The following PPFIBP2 variants were observed in gnomAD, a reference collection of about 807,000 sequenced individuals.
PPFIBP2 encodes PPFIB scaffold protein 2.
Under a neutral mutation model 118.3 loss-of-function variants are expected in PPFIBP2, and 118 were observed. The observed-to-expected ratio is 1.00, with a 90% CI of 0.86 to 1.16. The LOEUF (loss-of-function observed/expected upper bound fraction) is 1.16, where lower values mean the gene tolerates loss of function less well. Among genes scored for constraint, PPFIBP2 ranks in the 50% most tolerant of loss-of-function variants. The pLI is 0.00. For missense variants in PPFIBP2, 1,195 were observed against 1,073.1 expected (o/e 1.11, Z -1.59); for synonymous variants, 414 against 397.4 (o/e 1.04, Z -0.50).
At chr11:7,556,529 G>A (rs1184778049) in intron 2 of PPFIBP2, among the ~76,000 whole-genome samples, 6 of 152,304 alleles carry the variant, frequency 3.9e-5, no homozygotes, top group Non-Finnish European at 8.8e-5. Context: ...TTTTCGTTCA[G>A]TATTCTAGTA....
chr11:7,660,360 G>A (rs868857058), downstream of PPFIBP2, among the ~76,000 whole-genome samples: 6 of 112,044 alleles, frequency 5.4e-5, no homozygotes, highest in African/African-American at 1.1e-4. Flanking sequence ...TAGCATGAAG[G>A]GTTGTTGAAT....
At chr11:7,539,466 G>A (rs957253621) in intron 1 of PPFIBP2, 1 of 152,552 alleles carries the variant, frequency 6.6e-6, no homozygotes, top group African/African-American at 2.4e-5. Flanking sequence ...TGGAGGACAG[G>A]TACAGCTTGT....
Position 7,544,556 on chromosome 11 carries a change from C to T in PPFIBP2, c.-36-4884C>T, listed in dbSNP as rs142687543. Among the ~76,000 whole-genome samples, 714 of 152,000 alleles carry T rather than the reference C, an allele frequency of 4.7e-3. 11 individuals are homozygous for T. Among genetic ancestry groups the T allele is most frequent in the African/African-American group, 0.016 (678 of 41,430 alleles). ...TTGGGAGGCCAAGGTGGGTGGATCA[C>T]GAGGTCAGGAGATCGAGACCATCCT... is the stretch of plus-strand genomic sequence containing the variant. On this transcript the variant is annotated intron_variant, in intron 1 of 23. Transcript: ENST00000299492.
chr11:7,625,826 T>C lies in PPFIBP2; in HGVS notation c.761T>C (p.Ile254Thr), dbSNP rs1178184630. Residue 254 changes from isoleucine to threonine, a missense_variant, in exon 8 of 24, where the codon ATT becomes ACT. Physicochemically the swap from Ile to Thr is moderately conservative, Grantham distance 89 (BLOSUM62 -1). Transcript: ENST00000299492. ...CAGGTGGCCCTGAAAGATGCAGAAA[T>C]TGAGCGTCTGCACAGCCAGCTCTCC... ...QEQVALKDAE[I>T]ERLHSQLSRT... is the part of the protein sequence containing the mutation. The C allele has an allele frequency of 6.2e-7, 1 of 1,614,224 alleles. No individual in the cohort carries two copies. Among genetic ancestry groups the C allele is most frequent in the Admixed American group, 1.7e-5 (1 of 60,030 alleles).
At chr11:7,548,179 C>T (rs780620732) in intron 1 of PPFIBP2, among the ~76,000 whole-genome samples, 1 of 152,186 alleles carries the variant, frequency 6.6e-6, no homozygotes, top group African/African-American at 2.4e-5. Context: ...AGAGCTGGGT[C>T]TGAACTCAAG....
At chr11:7,632,193 A>C (rs1180880638) in intron 11 of PPFIBP2, among the ~76,000 whole-genome samples, 1 of 152,082 alleles carries the variant, frequency 6.6e-6, no homozygotes, top group African/African-American at 2.4e-5. Context: ...ACCAGTTCTC[A>C]TTTCTCAAAA....
chr11:7,536,852 A>G (rs78287406), intron 1 of PPFIBP2, among the ~76,000 whole-genome samples: 4 of 152,152 alleles, frequency 2.6e-5, no homozygotes, highest in Admixed American at 1.3e-4. Flanking sequence ...CTACACTCTG[A>G]TGAACAGAGC....
In PPFIBP2 at chr11:7,522,945, G is replaced by A. The variant is rs144794795; in HGVS notation, c.-37+8824G>A. Reference sequence around the variant, plus strand: ...AAGGCCCAAACACCTCCTCTACCCAGACTTCAGGGCACATCCAGCCAGTTC... The same window carrying A: ...AAGGCCCAAACACCTCCTCTACCCAAACTTCAGGGCACATCCAGCCAGTTC... On this transcript the variant is annotated intron_variant, in intron 1 of 23. Transcript: ENST00000299492. Among the ~76,000 whole-genome samples, 360 of 152,232 alleles carry A rather than the reference G, an allele frequency of 2.4e-3. 2 individuals are homozygous for A. The highest frequency in any genetic ancestry group is 0.017 in the Middle Eastern group (5 of 294).
At chr11:7,641,179 T>A (rs1433158432) in intron 15 of PPFIBP2, 12 of 953,074 alleles carry the variant, frequency 1.3e-5, no homozygotes, top group Admixed American at 2.5e-5. Flanking sequence ...CGTTCCTGCA[T>A]CTCCCTCTGA....
rs770001182 is a variant in PPFIBP2, at chr11:7,642,356, C to T, written c.1576C>T (p.Arg526Ter). The T allele has an allele frequency of 9.9e-6, 16 of 1,614,126 alleles. No homozygotes were observed. The highest frequency in any genetic ancestry group is 1.3e-5 in the African/African-American group (1 of 75,050). The change falls in exon 17 of 24, where the codon CGA becomes TGA. Residue 526 changes from arginine to a stop codon, truncating the protein, a stop_gained. Coordinates refer to ENST00000299492, the MANE Select transcript of PPFIBP2 (RefSeq NM_003621.5). LOFTEE classifies it high-confidence loss of function. Reference protein sequence around the residue: ...YTDTLGMAEFRRGGLRATAGP... With the variant: ...YTDTLGMAEF The stretch of plus-strand genomic sequence containing the variant: ...TGACACGCTGGGGATGGCAGAGTTT[C>T]GACGAGGTGGGCTCCGGGCAACCGC...
intron 6 of PPFIBP2, among the ~76,000 whole-genome samples, chr11:7,618,417 A>G (rs1403252985): frequency 6.6e-6 from 1 of 152,222 alleles, no homozygotes; most frequent in East Asian, 1.9e-4. Flanking sequence ...TGATTTCTGT[A>G]TACCCACAGT....
chr11:7,637,593 G>T (rs1851615725), intron 14 of PPFIBP2, among the ~76,000 whole-genome samples: 1 of 152,200 alleles, frequency 6.6e-6, no homozygotes, highest in African/African-American at 2.4e-5. Flanking sequence ...TGGATAATCA[G>T]TTCTACACTA....
At chr11:7,657,897 C>T (rs1212312847), downstream of PPFIBP2, among the ~76,000 whole-genome samples, 1 of 152,226 alleles carries the variant, frequency 6.6e-6, no homozygotes, top group African/African-American at 2.4e-5. Flanking sequence ...ACCTGCTCTG[C>T]ACTGGCTCCT....
downstream of PPFIBP2, among the ~76,000 whole-genome samples, chr11:7,660,057 A>G (rs1167139134): frequency 5.6e-5 from 7 of 124,328 alleles, 2 homozygotes; most frequent in South Asian, 1.7e-3. Context: ...GGCTGAGACA[A>G]TGGGGTTTTC....
chr11:7,602,556 C>T (rs192018390), intron 5 of PPFIBP2, among the ~76,000 whole-genome samples: 4 of 152,262 alleles, frequency 2.6e-5, no homozygotes, highest in Admixed American at 1.3e-4. Flanking sequence ...AGAGGTTTTA[C>T]ATGGAGCTGG....
intron 3 of PPFIBP2, among the ~76,000 whole-genome samples, chr11:7,567,156 G>A (rs935126797): frequency 2.6e-5 from 4 of 152,088 alleles, no homozygotes; most frequent in Middle Eastern, 3.2e-3. Context: ...CCCTAGCAAC[G>A]CCTTTCCCAA....
intron 1 of PPFIBP2, among the ~76,000 whole-genome samples, chr11:7,528,504 C>A (rs933166627): frequency 6.6e-6 from 1 of 152,154 alleles, no homozygotes; most frequent in Admixed American, 6.5e-5. Flanking sequence ...TCATTAGTAA[C>A]AAGTTACCTA....
At chr11:7,603,435 C>A (rs753704932) in intron 5 of PPFIBP2, among the ~76,000 whole-genome samples, 10 of 152,210 alleles carry the variant, frequency 6.6e-5, no homozygotes, top group Admixed American at 6.5e-4. Context: ...AAAGAGACTT[C>A]CCTGCAAGAC....
At chr11:7,602,727 C>G (rs530745052) in intron 5 of PPFIBP2, among the ~76,000 whole-genome samples, 1 of 152,340 alleles carries the variant, frequency 6.6e-6, no homozygotes, top group South Asian at 2.1e-4. Context: ...ACACCAGCCT[C>G]TATTTCTATC....
Sources: allele counts gnomAD v4.1 joint callset (sites outside exome capture counted in the v4.1 genomes callset), GRCh38; gene constraint gnomAD v4.1.1; transcripts MANE v1.5; gene names NCBI Gene and HGNC (gene_info 2026-07-23, HGNC 2026-07-21).